KIAA1671: variants seen among roughly 807,000 people sequenced by gnomAD.
KIAA1671 encodes the protein uncharacterized protein KIAA1671.
KIAA1671 carries 52 observed loss-of-function variants against 131.2 expected under a neutral mutation model. That is an observed-to-expected ratio of 0.40 (90% CI 0.32 to 0.50). The LOEUF (loss-of-function observed/expected upper bound fraction) is 0.50. KIAA1671 is among the 20% of genes least tolerant of loss of function. KIAA1671 has a pLI of 0.73. For synonymous variants in KIAA1671, 1,003 were observed against 961.6 expected (o/e 1.04, Z -0.80); for missense variants, 2,360 against 2,364.2 (o/e 1.00, Z 0.04).
intron 4 of KIAA1671, among the ~76,000 whole-genome samples, chr22:25,037,373 T>C (rs1926666818): frequency 7.3e-6 from 1 of 136,500 alleles, no homozygotes; most frequent in South Asian, 2.1e-4. Flanking sequence ...TGTGTATATA[T>C]GTATATATGT....
chr22:25,076,329 G>T (rs569315605), intron 6 of KIAA1671, among the ~76,000 whole-genome samples: 1 of 152,144 alleles, frequency 6.6e-6, no homozygotes, highest in African/African-American at 2.4e-5. Flanking sequence ...ATTGTTCCCC[G>T]CCTTAAATCT....
intron 6 of KIAA1671, among the ~76,000 whole-genome samples, chr22:25,089,789 A>G (rs1478168365): frequency 6.6e-6 from 1 of 152,168 alleles, no homozygotes; most frequent in Non-Finnish European, 1.5e-5. Flanking sequence ...CGTGCACTAT[A>G]AACAATTCTG....
chr22:25,172,889 T>C (rs1389902093), intron 7 of KIAA1671, among the ~76,000 whole-genome samples: 3 of 152,206 alleles, frequency 2.0e-5, no homozygotes, highest in Non-Finnish European at 4.4e-5. Flanking sequence ...TCTCTATGCC[T>C]CAGTTTCCTC....
chr22:25,138,395 A>G (rs1275257133), intron 6 of KIAA1671, among the ~76,000 whole-genome samples: 2 of 152,230 alleles, frequency 1.3e-5, no homozygotes, highest in Non-Finnish European at 1.5e-5. Context: ...AGAGGGGTAT[A>G]TAATCCTTCG....
At chr22:25,073,302 A>T (rs1461693071) in intron 6 of KIAA1671, among the ~76,000 whole-genome samples, 1 of 152,172 alleles carries the variant, frequency 6.6e-6, no homozygotes, top group Non-Finnish European at 1.5e-5. Flanking sequence ...TCTGGAGCTC[A>T]AGCGATCCTC....
intron 1 of KIAA1671, among the ~76,000 whole-genome samples, chr22:25,004,623 C>T (rs549360357): frequency 2.0e-5 from 3 of 152,224 alleles, no homozygotes; most frequent in Admixed American, 6.5e-5. Context: ...TATTTTTCCC[C>T]TGAAACTCTT....
rs937691081 is a variant in KIAA1671 at position 25,040,721 on chromosome 22, C to T, written c.3591C>T (p.Ser1197=). Residue 1197 remains serine, a synonymous_variant, in exon 5 of 13, where the codon AGC becomes AGT. Coordinates refer to ENST00000358431, the MANE Select transcript of KIAA1671 (RefSeq NM_001145206.2). ...PGKIRDGYRS[S]VLDIDALMAE... ...AAATCAGAGATGGCTACAGATCCAGCGTTCTTGACATTGACGCCCTGATGG... is the reference window on the plus strand; with the variant it reads ...AAATCAGAGATGGCTACAGATCCAGTGTTCTTGACATTGACGCCCTGATGG... 1.0e-5 allele frequency: 16 copies of T among 1,551,906 alleles called. No individual in the cohort carries two copies. In the East Asian group the frequency reaches 2.0e-4, roughly 19 times the overall value.
chr22:25,188,889 C>T (rs1934566653), intron 11 of KIAA1671, among the ~76,000 whole-genome samples: 1 of 152,102 alleles, frequency 6.6e-6, no homozygotes, highest in South Asian at 2.1e-4. Flanking sequence ...CAAGTGGACC[C>T]ACACAGTTCA....
intron 1 of KIAA1671, among the ~76,000 whole-genome samples, chr22:24,955,547 G>T (rs551262049): frequency 1.4e-3 from 219 of 152,320 alleles, no homozygotes; most frequent in African/African-American, 4.8e-3. Flanking sequence ...GGCCAGCCAT[G>T]CTTAGTGGTT....
intron 6 of KIAA1671, among the ~76,000 whole-genome samples, chr22:25,130,250 T>A (rs1352955547): frequency 6.6e-6 from 1 of 152,218 alleles, no homozygotes; most frequent in African/African-American, 2.4e-5. Context: ...TTTTGACAAA[T>A]GCACATACCC....
At chr22:25,006,835 T>C (rs1019661626) in intron 1 of KIAA1671, among the ~76,000 whole-genome samples, 2 of 152,202 alleles carry the variant, frequency 1.3e-5, no homozygotes, top group Non-Finnish European at 2.9e-5. Context: ...TGCCTTTCTC[T>C]TATAAGGACC....
At chr22:24,991,771 C>T (rs1257211680) in intron 1 of KIAA1671, among the ~76,000 whole-genome samples, 2 of 151,950 alleles carry the variant, frequency 1.3e-5, no homozygotes, top group African/African-American at 2.4e-5. Context: ...CAGTTTCCTC[C>T]TTTCTGACGT....
chr22:25,157,999 T>C (rs1329204682), intron 6 of KIAA1671, among the ~76,000 whole-genome samples: 1 of 152,044 alleles, frequency 6.6e-6, no homozygotes, highest in Non-Finnish European at 1.5e-5. Context: ...TTTTTTGTAT[T>C]TTTACTAGAG....
intron 1 of KIAA1671, chr22:25,022,998 G>C (rs1310180568): frequency 6.6e-6 from 1 of 152,288 alleles, no homozygotes. Context: ...GAAGTCAGGA[G>C]ATCCAGACCA....
At chr22:25,097,441 C>G in intron 6 of KIAA1671, among the ~76,000 whole-genome samples, 1 of 152,152 alleles carries the variant, frequency 6.6e-6, no homozygotes, top group East Asian at 1.9e-4. Context: ...AGGAGTTTTG[C>G]ACCTTCAAAA....
At chr22:25,106,140 C>A (rs1375934442) in intron 6 of KIAA1671, among the ~76,000 whole-genome samples, 1 of 152,138 alleles carries the variant, frequency 6.6e-6, no homozygotes, top group East Asian at 1.9e-4. Flanking sequence ...TCAAGCGAAA[C>A]CCATAAGGAA....
At chr22:25,090,138 A>C (rs1198188390) in intron 6 of KIAA1671, among the ~76,000 whole-genome samples, 2 of 152,176 alleles carry the variant, frequency 1.3e-5, no homozygotes, top group Non-Finnish European at 2.9e-5. Context: ...AGCTCCTTAG[A>C]AGAAGTCTCT....
intron 1 of KIAA1671, among the ~76,000 whole-genome samples, chr22:24,958,147 T>C (rs1921818876): frequency 6.6e-6 from 1 of 151,998 alleles, no homozygotes; most frequent in Non-Finnish European, 1.5e-5. Flanking sequence ...CTCAAAGCCA[T>C]GCCCTTCCCA....
At chr22:25,109,534 G>C (rs1218191156) in intron 6 of KIAA1671, among the ~76,000 whole-genome samples, 1 of 152,152 alleles carries the variant, frequency 6.6e-6, no homozygotes, top group Non-Finnish European at 1.5e-5. Flanking sequence ...AATAAAAGGG[G>C]GCAAGGATTA....
Sources: allele counts gnomAD v4.1 joint callset (sites outside exome capture counted in the v4.1 genomes callset), GRCh38; gene constraint gnomAD v4.1.1; transcripts MANE v1.5; gene names NCBI Gene and HGNC (gene_info 2026-07-23, HGNC 2026-07-21).